Variants in DLG2 observed in about 807,000 individuals in gnomAD.
DLG2 encodes disks large homolog 2.
A neutral mutation model predicts 132.5 loss-of-function variants in DLG2; 45 were observed. The observed-to-expected ratio is 0.34, with a 90% CI of 0.27 to 0.44. The LOEUF (loss-of-function observed/expected upper bound fraction) is 0.44. Among genes scored for constraint, DLG2 ranks in the 20% least tolerant of loss-of-function variants. The pLI is 1.00. For missense variants in DLG2, 1,045 were observed against 1,196.9 expected (o/e 0.87, Z 1.87); for synonymous variants, 424 against 419.6 (o/e 1.01, Z -0.13).
Position 83,600,236 on chromosome 11 carries a change from GGTGTGT to G in DLG2, c.1940+32969_1940+32974del, listed in dbSNP as rs57674131. On this transcript the variant is annotated intron_variant, in intron 19 of 27. Coordinates refer to ENST00000376104, the MANE Select transcript of DLG2 (RefSeq NM_001142699.3). ...GATGAGTTCACACAGCTAGCTATAG[GGTGTGT>G]GTGTGTGTGTGTGTGTGTGTGTGTG... 8.2e-5 allele frequency among the ~76,000 whole-genome samples: 12 copies of G among 145,622 alleles called. No individual in the cohort carries two copies. The South Asian group carries it at 8.9e-4, about 11-fold the overall frequency.
At chr11:84,326,015 T>C (rs1057354531) in intron 7 of DLG2, among the ~76,000 whole-genome samples, 1 of 152,076 alleles carries the variant, frequency 6.6e-6, no homozygotes, top group Admixed American at 6.5e-5. Context: ...ATCTAGGTTG[T>C]CTAACTTTTC....
intron 7 of DLG2, among the ~76,000 whole-genome samples, chr11:84,409,487 A>T (rs185376502): frequency 1.3e-5 from 2 of 152,200 alleles, no homozygotes; most frequent in African/African-American, 4.8e-5. Context: ...GAAAATTAAC[A>T]TTCCTTAAAT....
At chr11:83,714,789 A>T (rs1460463143) in intron 18 of DLG2, among the ~76,000 whole-genome samples, 2 of 152,222 alleles carry the variant, frequency 1.3e-5, no homozygotes, top group Non-Finnish European at 2.9e-5. Context: ...TTTGTTACAT[A>T]GGTACACGTG....
intron 21 of DLG2, among the ~76,000 whole-genome samples, chr11:83,522,178 TAAA>T (rs1379065813): frequency 6.6e-6 from 1 of 152,246 alleles, no homozygotes; most frequent in African/African-American, 2.4e-5. Flanking sequence ...CAGAGTTAGC[TAAA>T]ATGCTACCTT....
At chr11:84,185,546 A>T (rs2096259140) in intron 8 of DLG2, among the ~76,000 whole-genome samples, 1 of 152,032 alleles carries the variant, frequency 6.6e-6, no homozygotes, top group South Asian at 2.1e-4. Flanking sequence ...CTCTTTTCCT[A>T]ATTGAATACC....
At chr11:85,573,072 C>T (rs902227987) in intron 3 of DLG2, among the ~76,000 whole-genome samples, 51 of 152,296 alleles carry the variant, frequency 3.3e-4, no homozygotes, top group African/African-American at 9.6e-4. Flanking sequence ...ATCCTGCTTT[C>T]GCCATGTGAC....
chr11:84,634,031 T>C (rs1414367010), intron 6 of DLG2, among the ~76,000 whole-genome samples: 1 of 152,180 alleles, frequency 6.6e-6, no homozygotes, highest in East Asian at 1.9e-4. Flanking sequence ...CATACATACA[T>C]ACATACTACC....
intron 16 of DLG2, among the ~76,000 whole-genome samples, chr11:83,864,340 T>A (rs1337278912): frequency 6.6e-6 from 1 of 152,230 alleles, no homozygotes; most frequent in Non-Finnish European, 1.5e-5. Context: ...GGGGCAAGGC[T>A]TGGGCCTTTT....
chr11:83,609,837 G>A (rs1215031215), intron 19 of DLG2, among the ~76,000 whole-genome samples: 3 of 152,084 alleles, frequency 2.0e-5, no homozygotes, highest in African/African-American at 7.2e-5. Flanking sequence ...TCAGAATTAT[G>A]TCCTCATGTA....
chr11:85,027,902 G>A (rs192281536), intron 6 of DLG2, among the ~76,000 whole-genome samples: 1 of 152,294 alleles, frequency 6.6e-6, no homozygotes, highest in African/African-American at 2.4e-5. Context: ...AGCGGGGGAG[G>A]GGGGTGTTTC....
chr11:84,977,120 T>A (rs1290443618), intron 6 of DLG2, among the ~76,000 whole-genome samples: 1 of 152,178 alleles, frequency 6.6e-6, no homozygotes, highest in African/African-American at 2.4e-5. Flanking sequence ...TAGGAGAAGT[T>A]GATCCCAGTC....
At chr11:84,628,872 T>C (rs1251692899) in intron 6 of DLG2, among the ~76,000 whole-genome samples, 1 of 152,184 alleles carries the variant, frequency 6.6e-6, no homozygotes, top group Non-Finnish European at 1.5e-5. Flanking sequence ...TGATCAATAA[T>C]TGTAAAATGC....
intron 8 of DLG2, among the ~76,000 whole-genome samples, chr11:84,204,860 C>G (rs1159712132): frequency 6.6e-6 from 1 of 152,142 alleles, no homozygotes; most frequent in East Asian, 1.9e-4. Flanking sequence ...CGCCACCACA[C>G]TTGGCTATTT....
At chr11:84,845,805 G>T (rs1392332008) in intron 6 of DLG2, among the ~76,000 whole-genome samples, 1 of 151,116 alleles carries the variant, frequency 6.6e-6, no homozygotes, top group Non-Finnish European at 1.5e-5. Flanking sequence ...TCAGCCTCTT[G>T]AGTAGCTGGG....
At chr11:83,622,197 C>T (rs549198811) in intron 19 of DLG2, among the ~76,000 whole-genome samples, 4 of 152,076 alleles carry the variant, frequency 2.6e-5, no homozygotes, top group South Asian at 2.1e-4. Context: ...CAAAGTGCTG[C>T]GATTACAGGT....
intron 8 of DLG2, among the ~76,000 whole-genome samples, chr11:84,180,895 C>T (rs750699518): frequency 6.6e-6 from 1 of 151,700 alleles, no homozygotes; most frequent in Non-Finnish European, 1.5e-5. Flanking sequence ...GTCAGTAGAC[C>T]TATCTTGAGA....
At chr11:83,712,762 G>A (rs2085745979) in intron 18 of DLG2, among the ~76,000 whole-genome samples, 1 of 152,170 alleles carries the variant, frequency 6.6e-6, no homozygotes, top group Non-Finnish European at 1.5e-5. Context: ...GCTGAATGAT[G>A]AGAATACATG....
intron 7 of DLG2, among the ~76,000 whole-genome samples, chr11:84,403,733 C>T (rs889669117): frequency 8.5e-5 from 13 of 152,310 alleles, no homozygotes; most frequent in Middle Eastern, 3.4e-3. Flanking sequence ...TCATTTGATT[C>T]GGGTGTCTGT....
chr11:84,488,872 T>C (rs1472584583), intron 7 of DLG2, among the ~76,000 whole-genome samples: 1 of 152,172 alleles, frequency 6.6e-6, no homozygotes, highest in Non-Finnish European at 1.5e-5. Context: ...GTAGAATTGA[T>C]CCAATAAACT....
Sources: allele counts gnomAD v4.1 joint callset (sites outside exome capture counted in the v4.1 genomes callset), GRCh38; gene constraint gnomAD v4.1.1; transcripts MANE v1.5; gene names NCBI Gene and HGNC (gene_info 2026-07-23, HGNC 2026-07-21).